Variants in ZBTB16 observed in about 807,000 individuals in gnomAD.
The protein encoded by ZBTB16 is zinc finger and BTB domain containing 16.
ZBTB16 carries 8 observed loss-of-function variants against 56.8 expected under a neutral mutation model. The observed-to-expected ratio is 0.14, with a 90% CI of 0.08 to 0.25. The LOEUF (loss-of-function observed/expected upper bound fraction) is 0.25. Among genes scored for constraint, ZBTB16 ranks in the 10% least tolerant of loss-of-function variants. The pLI is 1.00. For missense variants in ZBTB16, 625 were observed against 903.0 expected, an observed-to-expected ratio of 0.69 and a Z score of 3.95; for synonymous variants, 363 against 368.5, an observed-to-expected ratio of 0.98 and a Z score of 0.17.
chr11:114,199,342 C>T (rs1403064845), intron 4 of ZBTB16, among the ~76,000 whole-genome samples: 6 of 147,094 alleles, frequency 4.1e-5, no homozygotes, highest in East Asian at 2.0e-4. Context: ...ACATGGATGC[C>T]GCTGGGCCCC....
chr11:114,215,256 G>A (rs943578462), intron 4 of ZBTB16, among the ~76,000 whole-genome samples: 3 of 152,188 alleles, frequency 2.0e-5, no homozygotes, highest in Non-Finnish European at 4.4e-5. Context: ...GCTGCCTGCC[G>A]TAAAATAACT....
chr11:114,181,689 C>T (rs770295798), intron 3 of ZBTB16, among the ~76,000 whole-genome samples: 4 of 151,966 alleles, frequency 2.6e-5, no homozygotes, highest in African/African-American at 7.3e-5. Flanking sequence ...CCAAGTTAGG[C>T]GTGGGATCTC....
At chr11:114,215,187 C>A (rs1210615986) in intron 4 of ZBTB16, among the ~76,000 whole-genome samples, 3 of 152,282 alleles carry the variant, frequency 2.0e-5, no homozygotes, top group South Asian at 2.1e-4. Context: ...TTATGACTTA[C>A]CTGATAACTA....
Position 114,251,422 on chromosome 11 carries a change from C to T in ZBTB16, c.*867C>T, listed in dbSNP as rs1358125910. Among the ~76,000 whole-genome samples, 2 of 152,152 alleles carry T rather than the reference C, an allele frequency of 1.3e-5. No individual in the cohort carries two copies. The highest frequency in any genetic ancestry group is 4.8e-5 in the African/African-American group (2 of 41,426). ...AGCAAGATTCCTGCTGCGCTGCTTC[C>T]AAAATGGAAAAGCATCACAACTAAA... On this transcript the variant is annotated 3_prime_UTR_variant, in exon 7 of 7. Transcript: ENST00000335953.
At position 114,064,042 on chromosome 11, in the gene ZBTB16, G is replaced by T; in HGVS notation, c.742G>T (p.Val248Leu). 6.2e-7 allele frequency: 1 copy of T among 1,613,390 alleles called. No individual in the cohort carries two copies. The highest frequency in any genetic ancestry group is 8.5e-7 in the Non-Finnish European group (1 of 1,179,752). The change falls in exon 2 of 7, where the codon GTG becomes TTG. Residue 248 changes from valine to leucine, a missense_variant. By Grantham distance (32) the Val-to-Leu change is conservative. Coordinates refer to ENST00000335953, the MANE Select transcript of ZBTB16 (RefSeq NM_006006.6). The surrounding 1 kb of genome is among the most constrained non-coding windows in gnomAD (Gnocchi z 4.2). ...VAEVKTEMMQVDEVPSQDSPG... is the reference protein window; with the variant it reads ...VAEVKTEMMQLDEVPSQDSPG... ...TGAGGTGAAGACGGAGATGATGCAG[G>T]TGGATGAGGTGCCCAGCCAGGACAG...
intron 2 of ZBTB16, among the ~76,000 whole-genome samples, chr11:114,098,556 A>G (rs998028930): frequency 7.0e-6 from 1 of 142,692 alleles, no homozygotes; most frequent in African/African-American, 2.5e-5. Context: ...AAAAAAAAAA[A>G]GCTAACTCCT....
In ZBTB16 at chr11:114,156,388, G is replaced by T; in HGVS notation, c.1320G>T (p.Arg440=). Residue 440 remains arginine (R), a synonymous_variant, in exon 3 of 7, where the codon CGG becomes CGT. Transcript: ENST00000335953. ...ACGGGTGCGAGCTCTGCGGGAAGCGGTTCCTGGATAGTTTGCGGCTGAGAA... is the reference window on the plus strand; with the variant it reads ...ACGGGTGCGAGCTCTGCGGGAAGCGTTTCCTGGATAGTTTGCGGCTGAGAA... ...KTYGCELCGK[R]FLDSLRLRMH... 1 of 1,614,224 alleles carries T rather than the reference G, an allele frequency of 6.2e-7. No individual in the cohort carries two copies. Among genetic ancestry groups the T allele is most frequent in the Non-Finnish European group, 8.5e-7 (1 of 1,180,038 alleles).
chr11:114,142,664 A>G (rs548699553), intron 2 of ZBTB16, among the ~76,000 whole-genome samples: 2 of 152,300 alleles, frequency 1.3e-5, no homozygotes, highest in South Asian at 2.1e-4. Flanking sequence ...GGAAAAATAT[A>G]TACTTAAAAG....
chr11:114,066,713 T>C (rs188599279), intron 2 of ZBTB16, among the ~76,000 whole-genome samples: 1 of 151,190 alleles, frequency 6.6e-6, no homozygotes, highest in East Asian at 2.0e-4. Context: ...CCATATTTAG[T>C]GGTGAGAGCC....
chr11:114,122,233 G>A (rs768996982), intron 2 of ZBTB16, among the ~76,000 whole-genome samples: 7 of 152,162 alleles, frequency 4.6e-5, no homozygotes, highest in East Asian at 1.9e-4. Flanking sequence ...AAAGAAATAC[G>A]TGTTGCTTCA....
rs918242675 is a variant in ZBTB16 at position 114,256,211 on chromosome 11, T to TA, written c.*5662dup. Among the ~76,000 whole-genome samples, 1 of 152,184 alleles carries TA rather than the reference T, an allele frequency of 6.6e-6. No individual in the cohort carries two copies. Among genetic ancestry groups the TA allele is most frequent in the Non-Finnish European group, 1.5e-5 (1 of 68,026 alleles). ...TAACATTTTTCTAATACTTTTTAGT[T>TA]AAAAAATGTTAAATACGTTAATATC... On this transcript the variant is annotated 3_prime_UTR_variant, in exon 7 of 7. Transcript: ENST00000335953.
At chr11:114,202,979 T>C (rs1486880544) in intron 4 of ZBTB16, among the ~76,000 whole-genome samples, 1 of 152,186 alleles carries the variant, frequency 6.6e-6, no homozygotes, top group Non-Finnish European at 1.5e-5. Flanking sequence ...GAATTGAAAA[T>C]GTGTCCACAT....
At chr11:114,182,688 C>T (rs1431094437) in intron 3 of ZBTB16, among the ~76,000 whole-genome samples, 2 of 152,150 alleles carry the variant, frequency 1.3e-5, no homozygotes, top group Admixed American at 1.3e-4. Context: ...GCTGGCGTGA[C>T]CTTCTTCCCT....
chr11:114,147,879 G>A (rs1299356303), intron 2 of ZBTB16, among the ~76,000 whole-genome samples: 1 of 152,152 alleles, frequency 6.6e-6, no homozygotes, highest in Non-Finnish European at 1.5e-5. Context: ...AGATAAGCAC[G>A]CTAAGACCTT....
intron 2 of ZBTB16, among the ~76,000 whole-genome samples, chr11:114,133,298 A>G (rs1591700482): frequency 6.6e-6 from 1 of 151,030 alleles, no homozygotes; most frequent in South Asian, 2.1e-4. Context: ...GCCCTGCCCC[A>G]CCCCTGGCAC....
At position 114,119,943 on chromosome 11, in the gene ZBTB16, G is replaced by A. The variant is rs553371112; in HGVS notation, c.1269-36394G>A. Among the ~76,000 whole-genome samples the A allele has an allele frequency of 4.6e-5, 7 of 152,244 alleles. No individual in the cohort carries two copies. The East Asian group carries it at 9.7e-4, about 21-fold the overall frequency. On this transcript the variant is annotated intron_variant, in intron 2 of 6. Coordinates refer to ENST00000335953, the MANE Select transcript of ZBTB16 (RefSeq NM_006006.6). ...GCATTCAGTGAGGAAAGCTCTCACC[G>A]CTGGGAGTTGTTCACTCTAGACTGA... is the stretch of plus-strand genomic sequence containing the variant.
intron 2 of ZBTB16, among the ~76,000 whole-genome samples, chr11:114,111,156 C>CGTGTGT (rs4020003): frequency 0.17 from 25,241 of 148,836 alleles, 2,165 homozygotes; most frequent in Middle Eastern, 0.26. Context: ...ATCTGTGCTG[C>CGTGTGT]GTGTGTGTGT....
Position 114,059,943 on chromosome 11 carries a change from G to T in ZBTB16, c.-91+61G>T, listed in dbSNP as rs764019607. On this transcript the variant is annotated intron_variant, in intron 1 of 6. Transcript: ENST00000335953. This position sits in a 1 kb window ranked among gnomAD's most constrained non-coding sequence, Gnocchi z 5.3. ...CGAGCGCCGCGCGCCGGGGCTTCCC[G>T]GGGCTGGAGAGGTCTGGGGGGCGCG... 3 of 395,152 alleles carry T rather than the reference G, an allele frequency of 7.6e-6. No individual in the cohort carries two copies. The highest frequency in any genetic ancestry group is 1.3e-5 in the Non-Finnish European group (3 of 224,156). The allele number at this position is 395,152 out of a possible 1,614,324, so 24.5% of individuals were successfully genotyped here.
chr11:114,113,244 A>G (rs915000256), intron 2 of ZBTB16, among the ~76,000 whole-genome samples: 2 of 152,202 alleles, frequency 1.3e-5, no homozygotes, highest in Non-Finnish European at 2.9e-5. Context: ...ACAACCATTT[A>G]TAAGTACATA....
Sources: allele counts gnomAD v4.1 joint callset (sites outside exome capture counted in the v4.1 genomes callset), GRCh38; gene constraint gnomAD v4.1.1; non-coding constraint Gnocchi (gnomAD v3.1); transcripts MANE v1.5; gene names NCBI Gene and HGNC (gene_info 2026-07-23, HGNC 2026-07-21).